Variants in KRI1 observed in about 807,000 individuals in gnomAD.
KRI1 encodes protein KRI1 homolog.
Under a neutral mutation model 97.0 loss-of-function variants are expected in KRI1, and 83 were observed. The ratio of observed to expected loss-of-function variants is 0.86; its 90% CI spans 0.72 to 1.03. KRI1 has a LOEUF of 1.03. KRI1 is among the 50% of genes least tolerant of loss of function. The pLI, the probability that KRI1 is intolerant of heterozygous loss-of-function variation, is 0.00. For synonymous variants in KRI1, 371 were observed against 363.5 expected (o/e 1.02, Z -0.23); for missense variants, 916 against 928.4 (o/e 0.99, Z 0.17).
intron 3 of KRI1, among the ~76,000 whole-genome samples, chr19:10,564,633 T>G (rs987351479): frequency 6.6e-6 from 1 of 152,156 alleles, no homozygotes; most frequent in African/African-American, 2.4e-5. Context: ...CCACCTTGAA[T>G]AGTGCCAAGG....
chr19:10,556,497 T>C (rs1030933427), intron 16 of KRI1, among the ~76,000 whole-genome samples: 7 of 151,764 alleles, frequency 4.6e-5, no homozygotes, highest in African/African-American at 1.2e-4. Context: ...GTAAAACTTA[T>C]CTCTACTAAA....
chr19:10,555,408 G>C, intron 16 of KRI1, 59 bp from the exon 17 acceptor site: 1 of 1,576,300 alleles, frequency 6.3e-7, no homozygotes, highest in Non-Finnish European at 8.7e-7. Flanking sequence ...GGCCTTCCCT[G>C]AGCCTAAGTC....
intron 2 of KRI1, chr19:10,565,431 ACT>A (rs1246398475): frequency 2.0e-6 from 1 of 508,178 alleles, no homozygotes; most frequent in Non-Finnish European, 3.4e-6. Flanking sequence ...AAATGGCTAG[ACT>A]CTTGAGGATG....
At chr19:10,564,777 A>G (rs904687088) in intron 3 of KRI1, 152 bp downstream of exon 3, 2 of 678,620 alleles carry the variant, frequency 2.9e-6, no homozygotes, top group Non-Finnish European at 2.6e-6. Flanking sequence ...TCCTTAAAAC[A>G]GCCCTGAGGG....
chr19:10,562,028 T>C (rs1244070045), intron 4 of KRI1, among the ~76,000 whole-genome samples, 183 bp from the exon 5 acceptor site: 3 of 151,732 alleles, frequency 2.0e-5, no homozygotes, highest in Admixed American at 6.6e-5. Flanking sequence ...TTTTTTTTTT[T>C]TTTCTTTTCC....
At chr19:10,565,871 G>C in intron 1 of KRI1, 35 bp downstream of exon 1, 6 of 1,533,782 alleles carry the variant, frequency 3.9e-6, no homozygotes, top group Non-Finnish European at 5.3e-6. Flanking sequence ...CGGCCGGCGC[G>C]CGCAGGCTCC....
intron 3 of KRI1, among the ~76,000 whole-genome samples, chr19:10,563,561 G>T (rs890935415): frequency 2.6e-5 from 4 of 151,630 alleles, no homozygotes; most frequent in Non-Finnish European, 5.9e-5. Flanking sequence ...TGGCCAGGCT[G>T]GTCTCGAACT....
rs370949658 is a variant in KRI1, at chr19:10,559,888, T to C, written c.849A>G (p.Glu283=). ...CCTGTTTCTTCAGAAACAGCTCCCC[T>C]TCGTCTGAGGAGTCGTCCACAGCCA... is the stretch of plus-strand genomic sequence containing the variant. The part of the protein sequence containing the change: ...VQLAVDDSSD[E]GELFLKKQED... Residue 283 remains glutamate, a synonymous_variant, in exon 10 of 19, where the codon GAA becomes GAG. Coordinates refer to ENST00000312962, the MANE Select transcript of KRI1 (RefSeq NM_023008.5). 21 of 1,613,346 alleles carry C rather than the reference T, an allele frequency of 1.3e-5. No individual in the cohort carries two copies. The highest frequency in any genetic ancestry group is 1.8e-5 in the Non-Finnish European group (21 of 1,179,996).
In KRI1 at chr19:10,559,623, C is replaced by T. The variant is rs756075403; in HGVS notation, c.1013G>A (p.Arg338Gln). The change falls in exon 11 of 19, where the codon CGA (arginine) becomes CAA (glutamine). Residue 338 changes from arginine to glutamine, a missense_variant. By Grantham distance (43) the Arg-to-Gln change is conservative (BLOSUM62 1). Transcript: ENST00000312962. ...ACCCCCCACACTCACCCTCTTCTTT[C>T]GCTCCCGAGTCTCTTCCCTCTTCTC... is the stretch of plus-strand genomic sequence containing the variant. ...RKEKREETRERKKREKAKKQE... is the reference protein window; with the variant it reads ...RKEKREETREQKKREKAKKQE... 9.9e-6 allele frequency: 16 copies of T among 1,613,864 alleles called. No homozygotes were observed. The East Asian group carries it at 1.1e-4, about 11-fold the overall frequency.
intron 2 of KRI1, 64 bp downstream of exon 2, chr19:10,565,653 G>C: frequency 6.6e-7 from 1 of 1,503,840 alleles, no homozygotes; most frequent in Non-Finnish European, 8.9e-7. Flanking sequence ...GTCTACATCG[G>C]GGTCGGGGTG....
At position 10,557,644 on chromosome 19, in the gene KRI1, G is replaced by A. The variant is rs753323702; in HGVS notation, c.1525C>T (p.Arg509Trp). Residue 509 changes from arginine (R) to tryptophan (W), a missense_variant, in exon 16 of 19, where the codon CGG becomes TGG. By Grantham distance (101) the Arg-to-Trp change is moderately radical (BLOSUM62 -3). Transcript: ENST00000312962. ...TCGATGATGTCCTCGTAGTCCAGCC[G>A]GTAATACTCATCCAGGTACTCCTCG... is the stretch of plus-strand genomic sequence containing the variant. ...TFEEYLDEYY[R>W]LDYEDIIDDL... 2.0e-5 allele frequency: 32 copies of A among 1,614,032 alleles called. 1 individual carries two copies. The highest frequency in any genetic ancestry group is 1.2e-4 in the South Asian group (11 of 91,088).
chr19:10,560,087 G>A (rs1184368602), intron 9 of KRI1, 151 bp from the exon 10 acceptor site: 8 of 1,246,298 alleles, frequency 6.4e-6, no homozygotes, highest in Admixed American at 2.7e-5. Context: ...TTTTACAGAT[G>A]GGGAAACTGA....
rs550190615 is a variant in KRI1 at position 10,564,235 on chromosome 19, C to T, written c.274+694G>A. Among the ~76,000 whole-genome samples, 9 of 149,946 alleles carry T rather than the reference C, an allele frequency of 6.0e-5. No homozygotes were observed. In the South Asian group the frequency reaches 1.1e-3, roughly 18 times the overall value. The stretch of plus-strand genomic sequence containing the variant: ...CAGCACTTTGGGAGGCCAGGGTGGG[C>T]GGATCACCTGAAGTTGGGAGTTCGA... On this transcript the variant is annotated intron_variant, in intron 3 of 18. Transcript: ENST00000312962.
rs766802187 is a variant in KRI1, at chr19:10,557,880, C to T, written c.1375G>A (p.Asp459Asn). The stretch of plus-strand genomic sequence containing the variant: ...TTTTTCTTCCTCGGCTGGCTGGGGT[C>T]GTAGTCGGCGTCCATCTGCCAGGAC... The part of the protein sequence containing the change: ...DPNFNMDADY[D>N]PSQPRKKKRE... Residue 459 changes from aspartate to asparagine, a missense_variant, in exon 15 of 19, where the codon GAC becomes AAC. Around this residue, in one of 3 missense-constraint regions of KRI1, gnomAD observed 672 missense variants for 667.2 expected, o/e 1.01. Coordinates refer to ENST00000312962, the MANE Select transcript of KRI1 (RefSeq NM_023008.5). 6 of 1,613,458 alleles carry T rather than the reference C, an allele frequency of 3.7e-6. No individual in the cohort carries two copies. The highest frequency in any genetic ancestry group is 4.2e-6 in the Non-Finnish European group (5 of 1,179,862).
rs955008912 is a variant in KRI1 at position 10,562,834 on chromosome 19, G to A, written c.278C>T (p.Ser93Leu). The change falls in exon 4 of 19, where the codon TCG becomes TTG. Residue 93 changes from serine (S) to leucine (L), a missense_variant. Ser to Leu is a moderately radical substitution (Grantham distance 145, BLOSUM62 -2). Coordinates refer to ENST00000312962, the MANE Select transcript of KRI1 (RefSeq NM_023008.5). The stretch of plus-strand genomic sequence containing the variant: ...TGGGTCCTCCTCACTGTCTGATGAC[G>A]ATGCTGTTAACCCACCAAAGACACC... ...KDATFYNRTA[S>L]SSDSEEDPEA... 1.2e-6 allele frequency: 2 copies of A among 1,602,840 alleles called. No individual in the cohort carries two copies. Among genetic ancestry groups the A allele is most frequent in the South Asian group, 1.1e-5 (1 of 90,846 alleles).
In KRI1 at chr19:10,560,992, T is replaced by C. The variant is rs1278312806; in HGVS notation, c.663+11A>G. On this transcript the variant is annotated intron_variant, in intron 8 of 18. Transcript: ENST00000312962. ...GGTCTACTCCATCAGCGACCATGCG[T>C]GAGAACTCACCAGTTCCTTCAGGGA... The C allele has an allele frequency of 6.2e-7, 1 of 1,608,702 alleles. No individual in the cohort carries two copies. Among genetic ancestry groups the C allele is most frequent in the Non-Finnish European group, 8.5e-7 (1 of 1,175,114 alleles).
In KRI1 at chr19:10,554,257, T is replaced by TGTGGCTTCCGC. The variant is rs1916422056; in HGVS notation, c.1795_1805dup (p.Gly603ArgfsTer25). The TGTGGCTTCCGC allele has an allele frequency of 6.2e-7, 1 of 1,613,796 alleles. No individual in the cohort carries two copies. The highest frequency in any genetic ancestry group is 1.3e-5 in the African/African-American group (1 of 74,938). On this transcript the variant is annotated frameshift_variant, in exon 19 of 19. Transcript: ENST00000312962. LOFTEE classifies it low-confidence loss of function (END_TRUNC). The stretch of plus-strand genomic sequence containing the variant: ...CGGCTTCATCTCTCTGTGGCTTCCC[T>TGTGGCTTCCGC]GTGGCTTCCGCAGGTGTCTCTGCCC...
At chr19:10,558,648 T>C (rs1916595869) in intron 12 of KRI1, among the ~76,000 whole-genome samples, 1 of 152,096 alleles carries the variant, frequency 6.6e-6, no homozygotes, top group South Asian at 2.1e-4. Context: ...TTTCAAGCGA[T>C]TCTCCTGCCT....
rs1568423022 is a variant in KRI1, at chr19:10,560,347, C to T, written c.765G>A (p.Glu255=). Residue 255 remains glutamate, a synonymous_variant, in exon 9 of 19, where the codon GAG becomes GAA. Transcript: ENST00000312962. ...LNKRYEEEEE[E]EEDEEEMEEE... ...CCTCCATTTCCTCTTCATCTTCCTC[C>T]TCCTCTTCCTCCTCCTCATAGCGTT... 6.2e-7 allele frequency: 1 copy of T among 1,607,728 alleles called. No homozygotes were observed. Among genetic ancestry groups the T allele is most frequent in the South Asian group, 1.1e-5 (1 of 90,960 alleles).
Sources: allele counts gnomAD v4.1 joint callset (sites outside exome capture counted in the v4.1 genomes callset), GRCh38; gene constraint gnomAD v4.1.1; regional missense constraint gnomAD v4.1.1; transcripts MANE v1.5; gene names NCBI Gene and HGNC (gene_info 2026-07-23, HGNC 2026-07-21).